Variants in FCHSD1 observed in about 807,000 individuals in gnomAD.
FCHSD1 encodes the protein F-BAR and double SH3 domains protein 1.
Under a neutral mutation model 101.3 loss-of-function variants are expected in FCHSD1, and 109 were observed. The ratio of observed to expected loss-of-function variants is 1.08; its 90% CI spans 0.92 to 1.26. FCHSD1 has a LOEUF of 1.26. FCHSD1 is among the 50% of genes most tolerant of loss of function. The pLI is 0.00. For synonymous variants in FCHSD1, 291 were observed against 356.8 expected (o/e 0.82, Z 2.08); for missense variants, 820 against 895.8 (o/e 0.92, Z 1.08).
At chr5:141,651,197 G>T in intron 1 of FCHSD1, 80 bp from the exon 2 acceptor site, 12 of 1,490,516 alleles carry the variant, frequency 8.1e-6, no homozygotes, top group Non-Finnish European at 1.1e-5. Flanking sequence ...GAGGGGGCGG[G>T]GCCGGGGGGG....
At chr5:141,651,299 C>T in intron 1 of FCHSD1, 49 bp downstream of exon 1, 3 of 1,551,656 alleles carry the variant, frequency 1.9e-6, no homozygotes, top group South Asian at 2.4e-5. Flanking sequence ...CCCTTAGCTC[C>T]CTCCGTTCCC....
chr5:141,644,367 G>A lies in FCHSD1; in HGVS notation c.1714C>T (p.Leu572Phe), dbSNP rs139206388. The A allele has an allele frequency of 7.7e-5, 125 of 1,613,976 alleles. No individual in the cohort carries two copies. In the African/African-American group the frequency reaches 1.1e-3, roughly 14 times the overall value. ...AEELSFPEGA[L>F]IRLLPRAQDG... Reference sequence around the variant, plus strand: ...TGGGCCCGGGGCAGCAGACGGATGAGTGCCCCCTCAGGGAAGCTCAGCTCC... The same window carrying A: ...TGGGCCCGGGGCAGCAGACGGATGAATGCCCCCTCAGGGAAGCTCAGCTCC... The change falls in exon 17 of 20, where the codon CTC (leucine) becomes TTC (phenylalanine). Residue 572 changes from leucine to phenylalanine, a missense_variant. Physicochemically the swap from Leu to Phe is conservative, Grantham distance 22. Coordinates refer to ENST00000435817, the MANE Select transcript of FCHSD1 (RefSeq NM_033449.3).
At chr5:141,646,016 CAGAA>C in intron 12 of FCHSD1, 67 bp downstream of exon 12, 6 of 1,544,296 alleles carry the variant, frequency 3.9e-6, no homozygotes, top group Non-Finnish European at 5.3e-6. Context: ...CTCCCACCAT[CAGAA>C]AGAGGAGTAG....
intron 8 of FCHSD1, 43 bp from the exon 9 acceptor site, chr5:141,647,563 C>A: frequency 3.1e-6 from 5 of 1,603,432 alleles, no homozygotes; most frequent in Non-Finnish European, 4.2e-6. Context: ...TTCCCCCAGA[C>A]CTCTACTGTA....
chr5:141,642,033 C>T, intron 18 of FCHSD1: 1 of 561,426 alleles, frequency 1.8e-6, no homozygotes, highest in South Asian at 2.2e-5. Context: ...TCAACAAACA[C>T]AATAAATGAC....
Position 141,648,237 on chromosome 5 carries a change from TAC to T in FCHSD1, c.577-143_577-142del, listed in dbSNP as rs2099907912. ...CTGGCACTACACTAAAAATGTTGCA[TAC>T]ACACAACTCCTGCTCAAAATCTTCT... On this transcript the variant is annotated intron_variant, in intron 7 of 19. Transcript: ENST00000435817. The T allele has an allele frequency of 3.9e-6, 4 of 1,021,850 alleles. No individual in the cohort carries two copies. In the South Asian group the frequency reaches 7.1e-5, roughly 18 times the overall value. The allele number at this position is 1,021,850 out of a possible 1,614,324, so 63.3% of individuals were successfully genotyped here.
chr5:141,647,388 C>G lies in FCHSD1; in HGVS notation c.828+10G>C, dbSNP rs769217695. On this transcript the variant is annotated intron_variant, in intron 9 of 19. Coordinates refer to ENST00000435817, the MANE Select transcript of FCHSD1 (RefSeq NM_033449.3). ...TCCCCGGGGAAGCTCTTAGAGGCCACAGCCCTCACCTGGGAGGTTGTCTGC... is the reference window on the plus strand; with the variant it reads ...TCCCCGGGGAAGCTCTTAGAGGCCAGAGCCCTCACCTGGGAGGTTGTCTGC... 3 of 1,588,030 alleles carry G rather than the reference C, an allele frequency of 1.9e-6. No individual in the cohort carries two copies. The highest frequency in any genetic ancestry group is 1.7e-6 in the Non-Finnish European group (2 of 1,165,712).
chr5:141,649,643 C>T lies in FCHSD1; in HGVS notation c.234-107G>A. 1.4e-6 allele frequency: 2 copies of T among 1,432,230 alleles called. No homozygotes were observed. The highest frequency in any genetic ancestry group is 2.7e-5 in the South Asian group (2 of 73,454). 88.7% of individuals were successfully genotyped at this position (1,432,230 alleles called of 1,614,324 possible). A position where few individuals can be genotyped will look rare whatever the true frequency, so the allele number is the denominator to read the frequency against. ...CACCATGGGAGACAGAGTGCTTTCCCATCCTCCCTTGTCTGGGAGCCCATC... is the reference window on the plus strand; with the variant it reads ...CACCATGGGAGACAGAGTGCTTTCCTATCCTCCCTTGTCTGGGAGCCCATC... On this transcript the variant is annotated intron_variant, in intron 4 of 19. Transcript: ENST00000435817. This position sits in a 1 kb window ranked among gnomAD's most constrained non-coding sequence, Gnocchi z 4.1.
At chr5:141,643,133 G>T (rs776694715) in intron 17 of FCHSD1, 45 bp from the exon 18 acceptor site, 38 of 1,371,218 alleles carry the variant, frequency 2.8e-5, no homozygotes, top group African/African-American at 4.6e-5. Context: ...ATGTGGGGAG[G>T]TTTTACCAGC....
chr5:141,650,253 T>C, intron 3 of FCHSD1, 106 bp downstream of exon 3: 1 of 1,435,872 alleles, frequency 7.0e-7, no homozygotes, highest in Non-Finnish European at 9.8e-7. Flanking sequence ...TCTGCTTGAC[T>C]CTAGGCATCT....
chr5:141,642,911 C>T (rs554348821), intron 18 of FCHSD1, 90 bp downstream of exon 18: 3 of 1,321,646 alleles, frequency 2.3e-6, no homozygotes, highest in African/African-American at 1.5e-5. Context: ...CCTGAAGGCA[C>T]GGAGAGGACC....
At chr5:141,651,173 G>A in intron 1 of FCHSD1, 56 bp from the exon 2 acceptor site, 1 of 1,529,220 alleles carries the variant, frequency 6.5e-7, no homozygotes, top group South Asian at 1.2e-5. Context: ...AAAACACTCC[G>A]CGCAGGGAGC....
Position 141,641,390 on chromosome 5 carries a change from A to G in FCHSD1, c.*108T>C. The G allele has an allele frequency of 9.4e-7, 1 of 1,061,484 alleles. No homozygotes were observed. The highest frequency in any genetic ancestry group is 2.7e-5 in the East Asian group (1 of 36,828). 65.8% of individuals were successfully genotyped at this position (1,061,484 alleles called of 1,614,324 possible). On this transcript the variant is annotated 3_prime_UTR_variant, in exon 20 of 20. Transcript: ENST00000435817. ...ACCCTTGGAGGTGAGGGTGGAAATA[A>G]GGGCGATTCCAGCTTTTGGCTGTGT...
Position 141,644,615 on chromosome 5 carries a change from T to C in FCHSD1, c.1600A>G (p.Ser534Gly), listed in dbSNP as rs1194673313. Residue 534 changes from serine to glycine, a missense_variant, in exon 16 of 20, where the codon AGC becomes GGC. Physicochemically the swap from Ser to Gly is moderately conservative, Grantham distance 56. Transcript: ENST00000435817. The part of the protein sequence containing the change: ...LNFPDLSLPE[S>G]SQDSDNPCGA... ...CAGGGATTGTCACTGTCTTGGCTGC[T>C]CTCTGGGAGGGAGAGGTCCGGGAAG... 2 of 1,613,770 alleles carry C rather than the reference T, an allele frequency of 1.2e-6. No homozygotes were observed. Among genetic ancestry groups the C allele is most frequent in the Admixed American group, 1.7e-5 (1 of 60,002 alleles).
rs1463348785 is a variant in FCHSD1, at chr5:141,642,753, TAG to T, written c.1951+246_1951+247del. ...TAACTCTCATAAGAATTCAATAAGC[TAG>T]TACCTTTTCCTTACCTCATAAAGAA... On this transcript the variant is annotated intron_variant, in intron 18 of 19. Transcript: ENST00000435817. The T allele has an allele frequency of 5.4e-6, 3 of 553,076 alleles. No individual in the cohort carries two copies. The African/African-American group carries it at 6.0e-5, about 11-fold the overall frequency. The allele number at this position is 553,076 out of a possible 1,614,324, so 34.3% of individuals were successfully genotyped here.
At chr5:141,647,850 A>T in intron 8 of FCHSD1, 118 bp downstream of exon 8, 1 of 1,397,936 alleles carries the variant, frequency 7.2e-7, no homozygotes, top group Non-Finnish European at 9.8e-7. Flanking sequence ...TGTATCATCT[A>T]CTCACTCTAA....
Position 141,640,384 on chromosome 5 carries a change from C to T in FCHSD1, c.*1114G>A, listed in dbSNP as rs1352126800. The T allele has an allele frequency of 1.2e-6, 2 of 1,614,180 alleles. No individual in the cohort carries two copies. Among genetic ancestry groups the T allele is most frequent in the East Asian group, 2.2e-5 (1 of 44,876 alleles). Reference sequence around the variant, plus strand: ...CTGATAGGACCTACTCCTGGTCTCTCATTGTTGACCCCTCCCCTTTCTCTC... The same window carrying T: ...CTGATAGGACCTACTCCTGGTCTCTTATTGTTGACCCCTCCCCTTTCTCTC... On this transcript the variant is annotated 3_prime_UTR_variant, in exon 20 of 20. Coordinates refer to ENST00000435817, the MANE Select transcript of FCHSD1 (RefSeq NM_033449.3).
chr5:141,650,930 CCT>C (rs1272960810), intron 2 of FCHSD1, 88 bp downstream of exon 2: 1 of 1,290,504 alleles, frequency 7.7e-7, no homozygotes, highest in East Asian at 2.5e-5. Flanking sequence ...GCTCTTGGCC[CCT>C]GTTCCTCCAC....
In FCHSD1 at chr5:141,641,535, T is replaced by G; in HGVS notation, c.2036A>C (p.Lys679Thr). 6.6e-7 allele frequency: 1 copy of G among 1,518,298 alleles called. No individual in the cohort carries two copies. The highest frequency in any genetic ancestry group is 1.3e-5 in the South Asian group (1 of 75,480). 94.1% of individuals were successfully genotyped at this position (1,518,298 alleles called of 1,614,324 possible). The change falls in exon 20 of 20, where the codon AAA becomes ACA. Residue 679 changes from lysine to threonine, a missense_variant. Coordinates refer to ENST00000435817, the MANE Select transcript of FCHSD1 (RefSeq NM_033449.3). ...ATCTGGGTGGCCAGGATCCGGGGCTTTAGCCGGCGGGGGAGGTGGTGGACG... is the reference window on the plus strand; with the variant it reads ...ATCTGGGTGGCCAGGATCCGGGGCTGTAGCCGGCGGGGGAGGTGGTGGACG... ...PMRPPPPPPA[K>T]APDPGHPDPL...
Sources: gnomAD v4.1 joint callset for allele counts on GRCh38, gnomAD v4.1.1 for gene constraint, Gnocchi (gnomAD v3.1) non-coding constraint, MANE v1.5 for transcripts, NCBI Gene and HGNC (gene_info 2026-07-23, HGNC 2026-07-21) for gene names.